The following SIGLEC6 variants were observed in gnomAD, a reference collection of about 807,000 sequenced individuals.
The protein encoded by SIGLEC6 is sialic acid-binding Ig-like lectin 6.
In SIGLEC6, 31 loss-of-function variants were observed where a neutral mutation model predicts 41.4. That is an observed-to-expected ratio of 0.75 (90% confidence interval 0.56 to 1.01). The LOEUF is 1.01. SIGLEC6 is among the 50% of genes least tolerant of loss of function. The pLI is 0.00. For synonymous variants in SIGLEC6, 217 were observed against 231.0 expected (o/e 0.94, Z 0.55); for missense variants, 555 against 558.6 (o/e 0.99, Z 0.06).
chr19:51,522,663 C>T (rs968219767), intron 7 of SIGLEC6, among the ~76,000 whole-genome samples: 6 of 151,394 alleles, frequency 4.0e-5, no homozygotes, highest in African/African-American at 7.3e-5. Flanking sequence ...TGGTGGCTCA[C>T]GCCTGTAGTC....
At chr19:51,529,673 G>A (rs1979858498) in intron 5 of SIGLEC6, 51 bp downstream of exon 5, 1 of 1,608,722 alleles carries the variant, frequency 6.2e-7, no homozygotes, top group South Asian at 1.1e-5. Flanking sequence ...TGAATACTAT[G>A]GAGCTCTCGC....
chr19:51,524,382 A>C (rs4801873), intron 7 of SIGLEC6, among the ~76,000 whole-genome samples: 99,339 of 152,058 alleles, frequency 0.65, 32,721 homozygotes, highest in South Asian at 0.75. Context: ...TATTACCAGA[A>C]ATAAAGACAT....
chr19:51,523,024 T>C (rs905532418), intron 7 of SIGLEC6, among the ~76,000 whole-genome samples: 1 of 151,876 alleles, frequency 6.6e-6, no homozygotes, highest in Non-Finnish European at 1.5e-5. Context: ...CCTGTAGTCA[T>C]AGCTATTTGA....
Position 51,531,164 on chromosome 19 carries a change from C to T in SIGLEC6, c.423G>A (p.Val141=), listed in dbSNP as rs1275492665. The T allele has an allele frequency of 8.2e-6, 13 of 1,581,370 alleles. No individual in the cohort carries two copies. The highest frequency in any genetic ancestry group is 1.1e-5 in the Non-Finnish European group (13 of 1,162,006). ...GTCCTGGAGCTGGTTCCTTACCCAT[C>T]ACACGCACAGAGAGCTTGGAAGATG... The part of the protein sequence containing the change: ...GYTSSKLSVR[V]MALTHRPNIS... Residue 141 remains valine (V), a synonymous_variant, in exon 2 of 8, where the codon GTG becomes GTA. Coordinates refer to ENST00000425629, the MANE Select transcript of SIGLEC6 (RefSeq NM_001245.7).
chr19:51,523,675 C>T (rs1978682997), intron 7 of SIGLEC6, among the ~76,000 whole-genome samples: 1 of 152,110 alleles, frequency 6.6e-6, no homozygotes, highest in South Asian at 2.1e-4. Flanking sequence ...TAAGGAGAGG[C>T]CCAGTAAACA....
intron 7 of SIGLEC6, among the ~76,000 whole-genome samples, chr19:51,527,194 A>T (rs4802807): frequency 6.6e-6 from 1 of 151,928 alleles, no homozygotes; most frequent in African/African-American, 2.4e-5. Flanking sequence ...AATTCAGAGA[A>T]CCTTGGTAAG....
rs1469630593 is a variant in SIGLEC6, at chr19:51,519,141, A to G, written c.*941T>C. On this transcript the variant is annotated 3_prime_UTR_variant, in exon 8 of 8. Coordinates refer to ENST00000425629, the MANE Select transcript of SIGLEC6 (RefSeq NM_001245.7). ...AAACCCCGTCTCTACTAAAAATACA[A>G]AAAATTAGCCGGGTGTGGTGGTGGG... is the stretch of plus-strand genomic sequence containing the variant. Among the ~76,000 whole-genome samples the G allele has an allele frequency of 1.3e-5, 2 of 151,810 alleles. No homozygotes were observed. The highest frequency in any genetic ancestry group is 2.9e-5 in the Non-Finnish European group (2 of 67,932).
At chr19:51,530,368 A>T in intron 4 of SIGLEC6, 69 bp downstream of exon 4, 3 of 1,403,874 alleles carry the variant, frequency 2.1e-6, no homozygotes, top group Non-Finnish European at 3.0e-6. Context: ...GGCTTCTCAT[A>T]TTGATCCCCG....
At chr19:51,521,994 G>A (rs996604716) in intron 7 of SIGLEC6, among the ~76,000 whole-genome samples, 8 of 152,180 alleles carry the variant, frequency 5.3e-5, no homozygotes, top group African/African-American at 1.7e-4. Context: ...GGCAGCAACT[G>A]CAGTTCAAGT....
At chr19:51,531,094 G>C in intron 2 of SIGLEC6, 66 bp downstream of exon 2, 2 of 1,552,094 alleles carry the variant, frequency 1.3e-6, no homozygotes, top group East Asian at 4.5e-5. Context: ...CGGGGCTCCC[G>C]TCCCAGCCCT....
At chr19:51,531,024 A>T in intron 2 of SIGLEC6, 65 bp from the exon 3 acceptor site, 1 of 1,584,898 alleles carries the variant, frequency 6.3e-7, no homozygotes, top group South Asian at 1.1e-5. Flanking sequence ...GGGGAAGCCC[A>T]GTCTCTGGTC....
intron 7 of SIGLEC6, among the ~76,000 whole-genome samples, chr19:51,527,524 A>C (rs569015734): frequency 8.9e-4 from 136 of 152,276 alleles, no homozygotes; most frequent in Non-Finnish European, 1.7e-3. Flanking sequence ...AATTAACTGG[A>C]GTACGTATTT....
At chr19:51,525,930 C>T (rs1355115611) in intron 7 of SIGLEC6, among the ~76,000 whole-genome samples, 1 of 152,064 alleles carries the variant, frequency 6.6e-6, no homozygotes, top group African/African-American at 2.4e-5. Context: ...GAACAAAGAG[C>T]CTGATTTATT....
chr19:51,519,076 A>T lies in SIGLEC6; in HGVS notation c.*1006T>A, dbSNP rs1000473272. Among the ~76,000 whole-genome samples, 9 of 152,066 alleles carry T rather than the reference A, an allele frequency of 5.9e-5. No homozygotes were observed. The highest frequency in any genetic ancestry group is 1.7e-4 in the African/African-American group (7 of 41,408). On this transcript the variant is annotated 3_prime_UTR_variant, in exon 8 of 8. Transcript: ENST00000425629. ...TTTGGGAGGCCGAGGAGGGCAGATC[A>T]CGAGGTCAGGAGATCAAGACCATCC...
chr19:51,530,220 G>A (rs1237962805), intron 4 of SIGLEC6, among the ~76,000 whole-genome samples: 2 of 152,158 alleles, frequency 1.3e-5, no homozygotes, highest in Non-Finnish European at 2.9e-5. Flanking sequence ...CCATGGAGAC[G>A]CCTGAGGCAG....
rs757622438 is a variant in SIGLEC6, at chr19:51,518,125, C to A, written c.*1957G>T. Among the ~76,000 whole-genome samples the A allele has an allele frequency of 1.3e-5, 2 of 152,234 alleles. No homozygotes were observed. The highest frequency in any genetic ancestry group is 4.1e-4 in the South Asian group (2 of 4,822). On this transcript the variant is annotated 3_prime_UTR_variant, in exon 8 of 8. Coordinates refer to ENST00000425629, the MANE Select transcript of SIGLEC6 (RefSeq NM_001245.7). ...ATGTTTTAGAATTTATTTGAGAAAT[C>A]TTTTCTTTATTAACACTCACATATT...
In SIGLEC6 at chr19:51,529,480, G is replaced by A. The variant is rs534163920; in HGVS notation, c.1012+244C>T. The A allele has an allele frequency of 1.2e-3, 659 of 545,202 alleles. 6 individuals carry two copies. The highest frequency in any genetic ancestry group is 0.012 in the African/African-American group (614 of 52,804). The allele number at this position is 545,202 out of a possible 1,614,324, so 33.8% of individuals were successfully genotyped here. A position where few individuals can be genotyped will look rare whatever the true frequency, so the allele number is the denominator to read the frequency against. Reference sequence around the variant, plus strand: ...GAGCTGTTGACCAAGGGTCCGGCTGGCTGGGGGTGACTGTGAAGGAGCCAT... The same window carrying A: ...GAGCTGTTGACCAAGGGTCCGGCTGACTGGGGGTGACTGTGAAGGAGCCAT... On this transcript the variant is annotated intron_variant, in intron 5 of 7. Transcript: ENST00000425629.
At chr19:51,531,103 C>G (rs1304836712) in intron 2 of SIGLEC6, 57 bp downstream of exon 2, 26 of 1,553,218 alleles carry the variant, frequency 1.7e-5, no homozygotes, top group Non-Finnish European at 2.2e-5. Flanking sequence ...CGTCCCAGCC[C>G]TGCCCTACGG....
rs184353568 is a variant in SIGLEC6, at chr19:51,520,166, G to A, written c.1278C>T (p.Tyr426=). ...GCACCTTGTGGAAGTGTAGGACAGC[G>A]TAGTGGAGCTCCTGCTCATCTTCTG... ...PISEDEQELH[Y]AVLHFHKVQP... Residue 426 remains tyrosine (Y), a synonymous_variant, in exon 8 of 8, where the codon TAC becomes TAT. Transcript: ENST00000425629. 7.2e-4 allele frequency: 1,165 copies of A among 1,609,678 alleles called. 7 individuals carry two copies. The African/African-American group carries it at 0.013, about 17-fold the overall frequency.
Sources: gnomAD v4.1 joint callset for allele counts (sites outside exome capture counted in the v4.1 genomes callset) on GRCh38, gnomAD v4.1.1 for gene constraint, MANE v1.5 for transcripts, NCBI Gene and HGNC (gene_info 2026-07-23, HGNC 2026-07-21) for gene names.